CCSER1: variants seen among roughly 807,000 people sequenced by gnomAD.
CCSER1 encodes the protein coiled-coil serine rich protein 1.
Under a neutral mutation model 82.0 loss-of-function variants are expected in CCSER1, and 41 were observed. The observed-to-expected ratio is 0.50, with a 90% CI of 0.39 to 0.65. The LOEUF (loss-of-function observed/expected upper bound fraction) is 0.65, where lower values mean the gene tolerates loss of function less well. Among genes scored for constraint, CCSER1 ranks in the 30% least tolerant of loss-of-function variants. The probability of loss-of-function intolerance (pLI) is 0.00; values close to 1 mark genes in which losing one functional copy is unlikely to be tolerated. For missense variants in CCSER1, 1,119 were observed against 1,064.2 expected, an observed-to-expected ratio of 1.05 and a Z score of -0.72; for synonymous variants, 414 against 383.9, an observed-to-expected ratio of 1.08 and a Z score of -0.92.
chr4:90,610,421 G>A (rs1304570181), intron 5 of CCSER1, among the ~76,000 whole-genome samples: 1 of 152,016 alleles, frequency 6.6e-6, no homozygotes, highest in Admixed American at 6.6e-5. Flanking sequence ...CATGTGAGAA[G>A]AATATTTGTG....
intron 1 of CCSER1, chr4:90,234,893 A>G (rs1259386555): frequency 6.6e-6 from 1 of 152,150 alleles, no homozygotes; most frequent in Non-Finnish European, 1.5e-5. Flanking sequence ...CCATCCCGTC[A>G]TGACCATTAT....
chr4:91,445,705 A>G (rs999363146), intron 10 of CCSER1, among the ~76,000 whole-genome samples: 29 of 151,972 alleles, frequency 1.9e-4, no homozygotes, highest in African/African-American at 7.0e-4. Context: ...TTATCTTTCA[A>G]TCTAACTATC....
chr4:90,153,785 G>A (rs1006672198), intron 1 of CCSER1, among the ~76,000 whole-genome samples: 35 of 152,142 alleles, frequency 2.3e-4, no homozygotes, highest in African/African-American at 6.0e-4. Context: ...GATATTAGCC[G>A]TTTGTCAGAT....
intron 4 of CCSER1, among the ~76,000 whole-genome samples, chr4:90,456,568 C>G (rs912996478): frequency 6.6e-6 from 1 of 152,122 alleles, no homozygotes; most frequent in Non-Finnish European, 1.5e-5. Context: ...CTTCTGATCC[C>G]ACACGATGGC....
chr4:90,411,474 A>C lies in CCSER1; in HGVS notation c.1603+11345A>C, dbSNP rs187397775. On this transcript the variant is annotated intron_variant, in intron 4 of 10. Transcript: ENST00000509176. ...GGATGCAAGGCTGGTTCAACATACG[A>C]AAATCAATAAACGTAATCCAGCATA... Among the ~76,000 whole-genome samples the C allele has an allele frequency of 7.7e-3, 1,168 of 152,318 alleles. 14 individuals are homozygous for C. Among genetic ancestry groups the C allele is most frequent in the African/African-American group, 0.026 (1,100 of 41,576 alleles).
chr4:90,253,843 A>G (rs72877754), intron 1 of CCSER1, among the ~76,000 whole-genome samples: 6,511 of 152,190 alleles, frequency 0.043, 356 homozygotes, highest in African/African-American at 0.13. Context: ...TCTTCTCCCT[A>G]TTAAATTTCT....
chr4:90,567,294 C>CT (rs1779516859), intron 5 of CCSER1, among the ~76,000 whole-genome samples: 1 of 145,492 alleles, frequency 6.9e-6, no homozygotes, highest in South Asian at 2.1e-4. Flanking sequence ...TTTCCATTTT[C>CT]TTTTGTCTCT....
chr4:90,319,833 C>A (rs1182194213), intron 3 of CCSER1, among the ~76,000 whole-genome samples: 6 of 152,032 alleles, frequency 3.9e-5, no homozygotes, highest in African/African-American at 1.4e-4. Context: ...GTTACAGGGA[C>A]ATCTAATAAA....
chr4:90,453,300 A>G lies in CCSER1; in HGVS notation c.1604-14934A>G, dbSNP rs77083989. 8.0e-3 allele frequency among the ~76,000 whole-genome samples: 1,221 copies of G among 152,288 alleles called. 15 individuals carry two copies. Among genetic ancestry groups the G allele is most frequent in the African/African-American group, 0.028 (1,180 of 41,546 alleles). ...GGTTATAGGAATTGGGAACCACCAGATGAATAGGGACCACAGCCTCATTAA... is the reference window on the plus strand; with the variant it reads ...GGTTATAGGAATTGGGAACCACCAGGTGAATAGGGACCACAGCCTCATTAA... On this transcript the variant is annotated intron_variant, in intron 4 of 10. Transcript: ENST00000509176.
intron 6 of CCSER1, among the ~76,000 whole-genome samples, chr4:90,720,309 A>G (rs989022874): frequency 2.0e-5 from 3 of 151,992 alleles, no homozygotes; most frequent in African/African-American, 7.2e-5. Flanking sequence ...ATTAAAAAAA[A>G]ACACAAGACC....
At chr4:90,702,830 AT>A (rs1738440928) in intron 6 of CCSER1, among the ~76,000 whole-genome samples, 1 of 151,928 alleles carries the variant, frequency 6.6e-6, no homozygotes, top group Non-Finnish European at 1.5e-5. Context: ...CACCTTTATC[AT>A]TTTTTATTGC....
chr4:91,052,141 A>C (rs1339335764), intron 9 of CCSER1, among the ~76,000 whole-genome samples: 1 of 152,062 alleles, frequency 6.6e-6, no homozygotes, highest in Non-Finnish European at 1.5e-5. Flanking sequence ...CATACATTGA[A>C]TAGAACAGGA....
rs375024933 is a variant in CCSER1 at position 90,454,367 on chromosome 4, A to C, written c.1604-13867A>C. 3.8e-4 allele frequency among the ~76,000 whole-genome samples: 58 copies of C among 151,906 alleles called. No homozygotes were observed. In the South Asian group the frequency reaches 5.8e-3, roughly 15 times the overall value. ...TCCTTCTGATGTCTGGGGCTGCCCG[A>C]GTAATAAACTTATCCTTCAGGTTCA... On this transcript the variant is annotated intron_variant, in intron 4 of 10. Transcript: ENST00000509176.
intron 3 of CCSER1, among the ~76,000 whole-genome samples, chr4:90,315,369 C>T (rs1245086133): frequency 6.6e-6 from 1 of 152,178 alleles, no homozygotes; most frequent in African/African-American, 2.4e-5. Flanking sequence ...ATGAAACTTA[C>T]TGAAATAAAT....
At chr4:91,544,695 G>A (rs1761790354) in intron 10 of CCSER1, among the ~76,000 whole-genome samples, 1 of 152,196 alleles carries the variant, frequency 6.6e-6, no homozygotes, top group Non-Finnish European at 1.5e-5. Flanking sequence ...GGGGCACCCT[G>A]CTATGTGAGG....
At chr4:90,691,042 A>C (rs1735725159) in intron 6 of CCSER1, among the ~76,000 whole-genome samples, 1 of 152,084 alleles carries the variant, frequency 6.6e-6, no homozygotes, top group Admixed American at 6.6e-5. Context: ...CATGTGTAAG[A>C]TGGTTGCTGT....
At chr4:91,568,976 G>T (rs1333430440) in intron 10 of CCSER1, among the ~76,000 whole-genome samples, 3 of 152,102 alleles carry the variant, frequency 2.0e-5, no homozygotes, top group African/African-American at 4.8e-5. Context: ...GCATGTGGTT[G>T]TTCCTTTAAC....
At chr4:91,456,310 C>T (rs761063474) in intron 10 of CCSER1, among the ~76,000 whole-genome samples, 5 of 152,002 alleles carry the variant, frequency 3.3e-5, no homozygotes, top group Non-Finnish European at 7.4e-5. Flanking sequence ...TTTCCAAATA[C>T]TATCACAGAG....
intron 3 of CCSER1, among the ~76,000 whole-genome samples, chr4:90,383,952 A>C (rs1159067871): frequency 2.0e-5 from 3 of 151,532 alleles, no homozygotes; most frequent in East Asian, 3.9e-4. Context: ...TTGTAGAGAC[A>C]GGGTCTTGCT....
Sources: gnomAD v4.1 joint callset for allele counts (sites outside exome capture counted in the v4.1 genomes callset) on GRCh38, gnomAD v4.1.1 for gene constraint, MANE v1.5 for transcripts, NCBI Gene and HGNC (gene_info 2026-07-23, HGNC 2026-07-21) for gene names.